LMNTD1: variants seen among roughly 807,000 people sequenced by gnomAD.
LMNTD1 encodes the protein lamin tail domain containing 1, also known as lamin tail domain-containing protein 1.
A neutral mutation model predicts 50.9 loss-of-function variants in LMNTD1; 35 were observed. The ratio of observed to expected loss-of-function variants is 0.69; its 90% CI spans 0.53 to 0.91. The LOEUF (loss-of-function observed/expected upper bound fraction) is 0.91, where lower values mean the gene tolerates loss of function less well. Among genes scored for constraint, LMNTD1 ranks in the 40% least tolerant of loss-of-function variants. The pLI, the probability that LMNTD1 is intolerant of heterozygous loss-of-function variation, is 0.00. For synonymous variants in LMNTD1, 153 were observed against 161.9 expected (o/e 0.94, Z 0.42); for missense variants, 470 against 475.5 (o/e 0.99, Z 0.11).
intron 1 of LMNTD1, among the ~76,000 whole-genome samples, chr12:25,587,883 G>C (rs1945587197): frequency 6.6e-6 from 1 of 152,140 alleles, no homozygotes; most frequent in Non-Finnish European, 1.5e-5. Context: ...GTGAATATCA[G>C]TACATTTTTT....
At position 25,518,923 on chromosome 12, in the gene LMNTD1, C is replaced by A; in HGVS notation, c.1061G>T (p.Trp354Leu). 1 of 1,614,066 alleles carries A rather than the reference C, an allele frequency of 6.2e-7. No individual in the cohort carries two copies. The highest frequency in any genetic ancestry group is 8.5e-7 in the Non-Finnish European group (1 of 1,179,968). The change falls in exon 8 of 10, where the codon TGG becomes TTG. Residue 354 changes from tryptophan (W) to leucine (L), a missense_variant. Coordinates refer to ENST00000458174, the MANE Select transcript of LMNTD1 (RefSeq NM_001145728.2). ...TGCAGAGACATAGGGATTCTGGCAC[C>A]AAGGGCTGCGATTAGGGAAAACGGT... is the stretch of plus-strand genomic sequence containing the variant. ...PPTVFPNRSPWCQNPYVSAHP... is the reference protein window; with the variant it reads ...PPTVFPNRSPLCQNPYVSAHP...
chr12:25,525,678 C>G (rs1479152695), intron 6 of LMNTD1, among the ~76,000 whole-genome samples: 1 of 151,918 alleles, frequency 6.6e-6, no homozygotes, highest in Non-Finnish European at 1.5e-5. Context: ...GATGGTTCTT[C>G]CCAAGCTTTA....
chr12:25,624,132 A>C (rs536748248), intron 1 of LMNTD1, among the ~76,000 whole-genome samples: 37 of 152,318 alleles, frequency 2.4e-4, no homozygotes, highest in Middle Eastern at 6.8e-3. Flanking sequence ...TCTTATCTTC[A>C]ACATGTACTG....
At chr12:25,498,197 A>G (rs979298562) in intron 9 of LMNTD1, among the ~76,000 whole-genome samples, 1 of 152,192 alleles carries the variant, frequency 6.6e-6, no homozygotes, top group African/African-American at 2.4e-5. Flanking sequence ...GTTGATAGGT[A>G]TAGAATAAGA....
chr12:25,554,734 G>C (rs1002143171), upstream of LMNTD1, among the ~76,000 whole-genome samples: 1 of 152,142 alleles, frequency 6.6e-6, no homozygotes, highest in Non-Finnish European at 1.5e-5. Context: ...CACATGACAC[G>C]TGCCTTTCTA....
At chr12:25,603,926 C>T (rs569790087) in intron 1 of LMNTD1, among the ~76,000 whole-genome samples, 1 of 146,504 alleles carries the variant, frequency 6.8e-6, no homozygotes, top group Non-Finnish European at 1.5e-5. Flanking sequence ...ATAAGAAATA[C>T]CAGAGACACA....
At chr12:25,618,102 T>G (rs1270288571) in intron 1 of LMNTD1, among the ~76,000 whole-genome samples, 1 of 152,140 alleles carries the variant, frequency 6.6e-6, no homozygotes, top group East Asian at 1.9e-4. Flanking sequence ...TTCTGACAAT[T>G]ATCCCCAAAA....
intron 4 of LMNTD1, among the ~76,000 whole-genome samples, chr12:25,527,671 TATATATATATAC>T (rs1253188868): frequency 4.1e-4 from 9 of 22,024 alleles, no homozygotes; most frequent in African/African-American, 9.0e-4. Flanking sequence ...TATATATATA[TATATATATATAC>T]ACACACACAC....
intron 1 of LMNTD1, among the ~76,000 whole-genome samples, chr12:25,642,449 G>A (rs913280496): frequency 1.3e-5 from 2 of 152,126 alleles, no homozygotes; most frequent in African/African-American, 4.8e-5. Context: ...CCCTCACTAA[G>A]AACCCAACCA....
At chr12:25,612,812 C>G (rs1038332603) in intron 1 of LMNTD1, among the ~76,000 whole-genome samples, 3 of 152,040 alleles carry the variant, frequency 2.0e-5, no homozygotes, top group Non-Finnish European at 2.9e-5. Context: ...ATTTCTGGAA[C>G]CTGTGAAAGT....
intron 1 of LMNTD1, among the ~76,000 whole-genome samples, chr12:25,635,290 T>C (rs193206759): frequency 5.3e-5 from 8 of 151,572 alleles, no homozygotes; most frequent in Admixed American, 4.6e-4. Flanking sequence ...CAGCAAATTT[T>C]CCAGTTACAA....
intron 9 of LMNTD1, among the ~76,000 whole-genome samples, chr12:25,484,364 G>T (rs1460211722): frequency 6.6e-6 from 1 of 151,884 alleles, no homozygotes; most frequent in African/African-American, 2.4e-5. Flanking sequence ...CTTCCAAAGT[G>T]CTGGGATAAC....
chr12:25,517,703 GTAAGAATAA>G (rs1400178001), intron 8 of LMNTD1, among the ~76,000 whole-genome samples: 19 of 114,538 alleles, frequency 1.7e-4, no homozygotes, highest in African/African-American at 4.6e-4. Flanking sequence ...AACTTAAAGT[GTAAGAATAA>G]TAATAATAAT....
intron 1 of LMNTD1, among the ~76,000 whole-genome samples, chr12:25,594,423 A>G (rs1945788423): frequency 6.6e-6 from 1 of 152,120 alleles, no homozygotes; most frequent in South Asian, 2.1e-4. Flanking sequence ...CTCCTCAAAC[A>G]AAACAATTAT....
Position 25,526,154 on chromosome 12 carries a change from T to G in LMNTD1, c.743A>C (p.Asp248Ala). 6.2e-7 allele frequency: 1 copy of G among 1,611,344 alleles called. No homozygotes were observed. The highest frequency in any genetic ancestry group is 8.5e-7 in the Non-Finnish European group (1 of 1,178,462). ...ACAATCAGGACTTGCTCTAAACTTG[T>G]CTTGTTCCTTCCAAAGAAAATCTGA... ...PPSDFLWKEQ[D>A]KFRASPDCIT... The change falls in exon 6 of 10, where the codon GAC (aspartate) becomes GCC (alanine). Residue 248 changes from aspartate (D) to alanine (A), a missense_variant. Coordinates refer to ENST00000458174, the MANE Select transcript of LMNTD1 (RefSeq NM_001145728.2).
At chr12:25,647,378 G>T (rs1012910154) in intron 1 of LMNTD1, among the ~76,000 whole-genome samples, 11 of 152,132 alleles carry the variant, frequency 7.2e-5, no homozygotes, top group African/African-American at 2.7e-4. Flanking sequence ...CTTCCCAGCT[G>T]CTCTGAAGGC....
intron 9 of LMNTD1, among the ~76,000 whole-genome samples, chr12:25,487,076 G>T (rs555816781): frequency 6.7e-6 from 1 of 149,496 alleles, no homozygotes; most frequent in African/African-American, 2.5e-5. Flanking sequence ...TTTTGGAATA[G>T]GTGTGGTGTG....
chr12:25,541,587 C>T (rs1297902686), intron 4 of LMNTD1, among the ~76,000 whole-genome samples: 1 of 72,004 alleles, frequency 1.4e-5, no homozygotes, highest in Non-Finnish European at 3.2e-5. Context: ...GGATTAAAGA[C>T]TTAAATGTTA....
intron 1 of LMNTD1, among the ~76,000 whole-genome samples, chr12:25,603,254 T>A (rs571216324): frequency 6.6e-6 from 1 of 152,188 alleles, no homozygotes; most frequent in Non-Finnish European, 1.5e-5. Context: ...GTGTTGAATA[T>A]CTCAATAGGA....
Sources: gnomAD v4.1 joint callset for allele counts (sites outside exome capture counted in the v4.1 genomes callset) on GRCh38, gnomAD v4.1.1 for gene constraint, MANE v1.5 for transcripts, NCBI Gene and HGNC (gene_info 2026-07-23, HGNC 2026-07-21) for gene names.